The following F2RL2 variants were observed in gnomAD, a reference collection of about 807,000 sequenced individuals.
F2RL2 encodes coagulation factor II thrombin receptor like 2.
Under a neutral mutation model 4.3 loss-of-function variants are expected in F2RL2, and 4 were observed. The ratio of observed to expected loss-of-function variants is 0.93; its 90% CI spans 0.46 to 2.12. F2RL2 has a LOEUF of 2.12. Ranked by LOEUF, F2RL2 falls within the 30% of genes most tolerant of loss-of-function variation. The pLI is 0.02. For missense variants in F2RL2, 408 were observed against 449.3 expected, an observed-to-expected ratio of 0.91 and a Z score of 0.83; for synonymous variants, 166 against 170.9, an observed-to-expected ratio of 0.97 and a Z score of 0.22.
chr5:76,618,867 T>C (rs1282074895), intron 1 of F2RL2, among the ~76,000 whole-genome samples: 1 of 152,212 alleles, frequency 6.6e-6, no homozygotes, highest in African/African-American at 2.4e-5. Context: ...AGTCCTTGTA[T>C]GTAAAGTGTT....
At chr5:76,618,675 A>G (rs534297683) in intron 1 of F2RL2, 33 bp from the exon 2 acceptor site, 19 of 1,493,414 alleles carry the variant, frequency 1.3e-5, no homozygotes, top group African/African-American at 1.3e-4. Flanking sequence ...ACATAAATGT[A>G]TAGTTCAAGA....
At chr5:76,623,036 T>C in intron 1 of F2RL2, 131 bp downstream of exon 1, 3 of 799,878 alleles carry the variant, frequency 3.8e-6, no homozygotes, top group Middle Eastern at 2.3e-4. Flanking sequence ...ATTCTACCTT[T>C]TAATAATAAA....
Position 76,616,592 on chromosome 5 carries a change from C to CT in F2RL2, c.*989dup, listed in dbSNP as rs1748993453. ...GTGGCCTGGACGTAGTGGCTCATGC[C>CT]TGTAGTCCCAGCACTTTGGGAGGCT... On this transcript the variant is annotated 3_prime_UTR_variant, in exon 2 of 2. Coordinates refer to ENST00000296641, the MANE Select transcript of F2RL2 (RefSeq NM_004101.4). The CT allele has an allele frequency of 6.5e-6, 1 of 152,846 alleles. No individual in the cohort carries two copies. Among genetic ancestry groups the CT allele is most frequent in the African/African-American group, 2.4e-5 (1 of 41,436 alleles). The allele number at this position is 152,846 out of a possible 1,614,324, so 9.5% of individuals were successfully genotyped here.
chr5:76,620,909 A>G (rs185371897), intron 1 of F2RL2, among the ~76,000 whole-genome samples: 29 of 152,320 alleles, frequency 1.9e-4, no homozygotes, highest in Admixed American at 1.2e-3. Flanking sequence ...AATTCCTGCA[A>G]TTTCAAAAAC....
At position 76,618,308 on chromosome 5, in the gene F2RL2, G is replaced by C. The variant is rs1283888644; in HGVS notation, c.399C>G (p.Thr133=). 1.9e-6 allele frequency: 3 copies of C among 1,614,094 alleles called. No homozygotes were observed. Among genetic ancestry groups the C allele is most frequent in the Admixed American group, 1.7e-5 (1 of 60,012 alleles). ...AAAGAAAATCTGCAATGGCCAGGTT[G>C]GTGTAGAATACAGTGGTACAGATGG... ...TRSICTTVFY[T]NLAIADFLFC... The change falls in exon 2 of 2, where the codon ACC becomes ACG. Residue 133 remains threonine, a synonymous_variant. Coordinates refer to ENST00000296641, the MANE Select transcript of F2RL2 (RefSeq NM_004101.4).
rs762944161 is a variant in F2RL2 at position 76,618,250 on chromosome 5, G to C, written c.457C>G (p.His153Asp). The C allele has an allele frequency of 1.9e-6, 3 of 1,614,192 alleles. No homozygotes were observed. In the South Asian group the frequency reaches 3.3e-5, roughly 18 times the overall value. ...CVTLPFKIAY[H>D]LNGNNWVFGE... ...AATACCCAGTTGTTCCCATTGAGAT[G>C]ATAAGCTATCTTAAAGGGCAATGTA... The change falls in exon 2 of 2, where the codon CAT becomes GAT. Residue 153 changes from histidine (H) to aspartate (D), a missense_variant. Coordinates refer to ENST00000296641, the MANE Select transcript of F2RL2 (RefSeq NM_004101.4).
In F2RL2 at chr5:76,617,943, G is replaced by A. The variant is rs777420775; in HGVS notation, c.764C>T (p.Ser255Leu). The change falls in exon 2 of 2, where the codon TCA becomes TTA. Residue 255 changes from serine to leucine, a missense_variant. Ser to Leu is a moderately radical substitution (Grantham distance 145). Transcript: ENST00000296641. Reference protein sequence around the residue: ...CHDVHNTCESSSPFQLYYFIS... With the variant: ...CHDVHNTCESLSPFQLYYFIS... ...GAAGTAATAGAGTTGGAAGGGAGATGAGGACTCGCAAGTGTTGTGAACATC... is the reference window on the plus strand; with the variant it reads ...GAAGTAATAGAGTTGGAAGGGAGATAAGGACTCGCAAGTGTTGTGAACATC... The A allele has an allele frequency of 1.9e-6, 3 of 1,614,024 alleles. No homozygotes were observed. The highest frequency in any genetic ancestry group is 2.5e-6 in the Non-Finnish European group (3 of 1,180,024).
chr5:76,621,230 C>T (rs1749637739), intron 1 of F2RL2, among the ~76,000 whole-genome samples: 1 of 152,132 alleles, frequency 6.6e-6, no homozygotes, highest in South Asian at 2.1e-4. Context: ...GGAAACCCTC[C>T]ACGTAAACCT....
At position 76,618,239 on chromosome 5, in the gene F2RL2, C is replaced by G; in HGVS notation, c.468G>C (p.Gly156=). Residue 156 remains glycine, a synonymous_variant, in exon 2 of 2, where the codon GGG becomes GGC. Coordinates refer to ENST00000296641, the MANE Select transcript of F2RL2 (RefSeq NM_004101.4). ...LPFKIAYHLN[G]NNWVFGEVLC... ...GGACCTCTCCAAATACCCAGTTGTT[C>G]CCATTGAGATGATAAGCTATCTTAA... The G allele has an allele frequency of 6.2e-7, 1 of 1,614,158 alleles. No homozygotes were observed.
chr5:76,617,925 TAG>T lies in F2RL2; in HGVS notation c.780_781del (p.Tyr261LeufsTer29). ...AAAGAATGCCAAGGAGATGAAGTAA[TAG>T]AGTTGGAAGGGAGATGAGGACTCGC... On this transcript the variant is annotated frameshift_variant, in exon 2 of 2. Coordinates refer to ENST00000296641, the MANE Select transcript of F2RL2 (RefSeq NM_004101.4). LOFTEE classifies it low-confidence loss of function (END_TRUNC). 6.2e-7 allele frequency: 1 copy of T among 1,613,978 alleles called. No homozygotes were observed. The highest frequency in any genetic ancestry group is 8.5e-7 in the Non-Finnish European group (1 of 1,180,010).
At chr5:76,619,797 C>T (rs541585464) in intron 1 of F2RL2, among the ~76,000 whole-genome samples, 123 of 152,238 alleles carry the variant, frequency 8.1e-4, no homozygotes, top group East Asian at 2.5e-3. Context: ...GGATTACAGG[C>T]GTGAGCCACC....
rs1425541602 is a variant in F2RL2 at position 76,616,112 on chromosome 5, C to A, written c.*1470G>T. ...AGCACCTTCTCCATTATACTTGGTACTTGATTGTTCATGGAATTAAAATTT... is the reference window on the plus strand; with the variant it reads ...AGCACCTTCTCCATTATACTTGGTAATTGATTGTTCATGGAATTAAAATTT... On this transcript the variant is annotated 3_prime_UTR_variant, in exon 2 of 2. Coordinates refer to ENST00000296641, the MANE Select transcript of F2RL2 (RefSeq NM_004101.4). The A allele has an allele frequency of 6.6e-6, 1 of 152,522 alleles. No homozygotes were observed. The highest frequency in any genetic ancestry group is 1.5e-5 in the Non-Finnish European group (1 of 68,022). 9.4% of individuals were successfully genotyped at this position (152,522 alleles called of 1,614,324 possible). A position where few individuals can be genotyped will look rare whatever the true frequency, so the allele number is the denominator to read the frequency against.
chr5:76,622,922 C>T (rs546980231), intron 1 of F2RL2, among the ~76,000 whole-genome samples: 1 of 152,322 alleles, frequency 6.6e-6, no homozygotes, highest in Non-Finnish European at 1.5e-5. Context: ...TCGTAGACAT[C>T]TAAAATCTTG....
intron 1 of F2RL2, 40 bp from the exon 2 acceptor site, chr5:76,618,682 A>G: frequency 7.0e-7 from 1 of 1,438,688 alleles, no homozygotes; most frequent in Middle Eastern, 1.8e-4. Context: ...TGTATAGTTC[A>G]AGAGAAAAGA....
chr5:76,619,596 A>T (rs867364352), intron 1 of F2RL2, among the ~76,000 whole-genome samples: 1 of 148,316 alleles, frequency 6.7e-6, no homozygotes, highest in African/African-American at 2.5e-5. Context: ...AGCTCACTGC[A>T]ACCTCCGCCT....
intron 1 of F2RL2, among the ~76,000 whole-genome samples, chr5:76,620,163 A>T (rs1319280673): frequency 1.3e-5 from 2 of 152,206 alleles, no homozygotes; most frequent in African/African-American, 4.8e-5. Flanking sequence ...AAACGAATAT[A>T]GCCGTTATTT....
chr5:76,616,186 T>G lies in F2RL2; in HGVS notation c.*1396A>C, dbSNP rs907929951. The G allele has an allele frequency of 6.6e-6, 1 of 152,234 alleles. No individual in the cohort carries two copies. The highest frequency in any genetic ancestry group is 2.4e-5 in the African/African-American group (1 of 41,412). 9.4% of individuals were successfully genotyped at this position (152,234 alleles called of 1,614,324 possible). A position where few individuals can be genotyped will look rare whatever the true frequency, so the allele number is the denominator to read the frequency against. On this transcript the variant is annotated 3_prime_UTR_variant, in exon 2 of 2. Coordinates refer to ENST00000296641, the MANE Select transcript of F2RL2 (RefSeq NM_004101.4). ...ATGCCATAATAAAAATATACGAAAG[T>G]GCTTTGGAAGTACAGATAAGAAAAG...
intron 1 of F2RL2, 74 bp downstream of exon 1, chr5:76,623,093 A>C: frequency 7.2e-7 from 1 of 1,395,482 alleles, no homozygotes; most frequent in Non-Finnish European, 1.0e-6. Flanking sequence ...ATGCAAAGAA[A>C]CCTAGGTTCA....
At position 76,618,490 on chromosome 5, in the gene F2RL2, C is replaced by T; in HGVS notation, c.217G>A (p.Glu73Lys). The T allele has an allele frequency of 1.2e-6, 2 of 1,614,186 alleles. No homozygotes were observed. Among genetic ancestry groups the T allele is most frequent in the Admixed American group, 3.3e-5 (2 of 60,014 alleles). Residue 73 changes from glutamate to lysine, a missense_variant, in exon 2 of 2, where the codon GAA (glutamate) becomes AAA (lysine). Transcript: ENST00000296641. ...TTCACATGGAGATGTGAAGCACTTT[C>T]TTCAGGGCACTTAATTTTTACAGTA... is the stretch of plus-strand genomic sequence containing the variant. ...TITVKIKCPE[E>K]SASHLHVKNA...
Sources: allele counts gnomAD v4.1 joint callset (sites outside exome capture counted in the v4.1 genomes callset), GRCh38; gene constraint gnomAD v4.1.1; transcripts MANE v1.5; gene names NCBI Gene and HGNC (gene_info 2026-07-23, HGNC 2026-07-21).